The following CYLC1 variants were observed in gnomAD, a reference collection of about 807,000 sequenced individuals.
The protein encoded by CYLC1 is cylicin-1.
A neutral mutation model predicts 31.6 loss-of-function variants in CYLC1; 2 were observed. The ratio of observed to expected loss-of-function variants is 0.06; its 90% CI spans 0.03 to 0.20. The LOEUF is 0.20. Ranked by LOEUF, CYLC1 falls within the 10% of genes least tolerant of loss-of-function variation. The pLI is 1.00. For synonymous variants in CYLC1, 185 were observed against 153.0 expected, an observed-to-expected ratio of 1.21 and a Z score of -1.54; for missense variants, 595 against 424.1, an observed-to-expected ratio of 1.40 and a Z score of -3.54.
chrX:83,869,108 T>C (rs1029239456), intron 1 of CYLC1, among the ~76,000 whole-genome samples: 1 of 111,019 alleles, frequency 9.0e-6, no homozygotes, highest in East Asian at 2.8e-4. Context: ...TATTTTTATA[T>C]TTATTTCTGG....
chrX:83,877,772 C>T (rs772841090), intron 4 of CYLC1, among the ~76,000 whole-genome samples: 8 of 101,378 alleles, frequency 7.9e-5, no homozygotes, highest in African/African-American at 2.5e-4. Context: ...TTTGGCTTCA[C>T]TGAATTTATA....
intron 2 of CYLC1, among the ~76,000 whole-genome samples, chrX:83,870,481 A>C (rs1276767695): frequency 9.0e-6 from 1 of 111,644 alleles, no homozygotes; most frequent in Non-Finnish European, 1.9e-5. Context: ...TTAAATAATA[A>C]ATAATTAATA....
chrX:83,865,716 C>A (rs745472425), intron 1 of CYLC1, among the ~76,000 whole-genome samples: 1 of 111,212 alleles, frequency 9.0e-6, no homozygotes, highest in Non-Finnish European at 1.9e-5. Flanking sequence ...TCATTCTAAT[C>A]TCTGCAATGT....
At chrX:83,885,499 C>A (rs1011814186) in intron 4 of CYLC1, among the ~76,000 whole-genome samples, 13 of 108,976 alleles carry the variant, frequency 1.2e-4, no homozygotes, top group Non-Finnish European at 2.5e-4. Flanking sequence ...TGTATATTAA[C>A]TATATCAATA....
intron 1 of CYLC1, among the ~76,000 whole-genome samples, chrX:83,865,277 C>T (rs2031576741): frequency 9.0e-6 from 1 of 111,335 alleles, no homozygotes; most frequent in Non-Finnish European, 1.9e-5. Flanking sequence ...CACACACACA[C>T]ACACGCACCA....
At chrX:83,877,289 G>A (rs1188554838) in intron 4 of CYLC1, among the ~76,000 whole-genome samples, 1 of 110,839 alleles carries the variant, frequency 9.0e-6, no homozygotes, top group Non-Finnish European at 1.9e-5. Context: ...ACCATCATTA[G>A]CATCTAGCTA....
chrX:83,862,467 T>C (rs1475763014), intron 1 of CYLC1, among the ~76,000 whole-genome samples: 3 of 109,143 alleles, frequency 2.7e-5, no homozygotes, highest in Non-Finnish European at 5.7e-5. Context: ...GGCATGAACC[T>C]GGGGGGCGGA....
intron 4 of CYLC1, among the ~76,000 whole-genome samples, chrX:83,878,362 TATATATAAATATATATATAA>T (rs2031844883): frequency 2.1e-5 from 1 of 47,259 alleles, no homozygotes; most frequent in Non-Finnish European, 3.5e-5. Flanking sequence ...TATATATAAA[TATATATAAATATATATATAA>T]ATATATATAA....
At chrX:83,883,672 C>G (rs1290577243) in intron 4 of CYLC1, among the ~76,000 whole-genome samples, 1 of 111,763 alleles carries the variant, frequency 8.9e-6, no homozygotes, top group Non-Finnish European at 1.9e-5. Context: ...TGCATTGTAT[C>G]TATCTTCTGC....
intron 1 of CYLC1, among the ~76,000 whole-genome samples, chrX:83,865,551 T>C (rs1223511080): frequency 8.9e-6 from 1 of 111,915 alleles, no homozygotes; most frequent in Admixed American, 9.5e-5. Context: ...TTTAATCTCT[T>C]ACATTTCTGG....
chrX:83,879,592 G>T (rs1201641849), intron 4 of CYLC1, among the ~76,000 whole-genome samples: 1 of 110,678 alleles, frequency 9.0e-6, no homozygotes, highest in African/African-American at 3.3e-5. Context: ...TTTTATTTTT[G>T]CTTATCTCTC....
chrX:83,877,391 G>C (rs935133858), intron 4 of CYLC1, among the ~76,000 whole-genome samples: 12 of 111,063 alleles, frequency 1.1e-4, no homozygotes, highest in Admixed American at 2.9e-4. Flanking sequence ...TGGGATTGTA[G>C]GTGTAAGCCA....
chrX:83,876,435 T>G (rs1170786565), intron 4 of CYLC1, among the ~76,000 whole-genome samples: 1 of 111,325 alleles, frequency 9.0e-6, no homozygotes, highest in Non-Finnish European at 1.9e-5. Flanking sequence ...TTAGGAAAAG[T>G]AAATAAAATA....
At chrX:83,872,432 C>T (rs2031678655) in intron 3 of CYLC1, among the ~76,000 whole-genome samples, 2 of 110,304 alleles carry the variant, frequency 1.8e-5, no homozygotes, top group African/African-American at 6.5e-5. Flanking sequence ...AGAAATTAGG[C>T]TAGGGTTTTA....
chrX:83,869,352 T>G (rs1243000027), intron 1 of CYLC1, among the ~76,000 whole-genome samples: 2 of 110,307 alleles, frequency 1.8e-5, no homozygotes, highest in Non-Finnish European at 3.8e-5. Context: ...TTTTTTATGA[T>G]CCTCTCCTTC....
chrX:83,875,768 G>A (rs1174213972), intron 4 of CYLC1, among the ~76,000 whole-genome samples: 1 of 110,908 alleles, frequency 9.0e-6, no homozygotes, highest in Non-Finnish European at 1.9e-5. Context: ...CTCCCTTTCT[G>A]TCTCTATGAT....
chrX:83,876,816 T>C (rs2031765631), intron 4 of CYLC1, among the ~76,000 whole-genome samples: 1 of 111,137 alleles, frequency 9.0e-6, no homozygotes, highest in Admixed American at 9.6e-5. Context: ...CTCTGCCTCA[T>C]TATTAAAAAT....
intron 4 of CYLC1, among the ~76,000 whole-genome samples, chrX:83,881,758 G>A (rs922571063): frequency 6.9e-5 from 7 of 101,007 alleles, no homozygotes; most frequent in African/African-American, 1.8e-4. Context: ...AGAGTCTCGC[G>A]CGATCTCGGC....
At position 83,871,433 on chromosome X, in the gene CYLC1, A is replaced by G; in HGVS notation, c.59-19A>G. The G allele has an allele frequency of 8.7e-7, 1 of 1,143,972 alleles. No individual in the cohort carries two copies. Among genetic ancestry groups the G allele is most frequent in the Non-Finnish European group, 1.2e-6 (1 of 839,005 alleles). The allele number at this position is 1,143,972 out of a possible 1,213,427, so 94.3% of individuals were successfully genotyped here. On this transcript the variant is annotated intron_variant, in intron 2 of 4. Transcript: ENST00000329312. ...ATCTGACATTAACTCCAAATTGTTT[A>G]TTATCCTTTCTCATTTAGTCAGTGA...
Sources: allele counts gnomAD v4.1 joint callset (sites outside exome capture counted in the v4.1 genomes callset), GRCh38; gene constraint gnomAD v4.1.1; transcripts MANE v1.5; gene names NCBI Gene and HGNC (gene_info 2026-07-23, HGNC 2026-07-21).